The following LPP variants were observed in gnomAD, a reference collection of about 807,000 sequenced individuals.
LPP encodes lipoma-preferred partner.
A neutral mutation model predicts 60.4 loss-of-function variants in LPP; 38 were observed. The observed-to-expected ratio is 0.63, with a 90% CI of 0.49 to 0.83. The LOEUF (loss-of-function observed/expected upper bound fraction) is 0.83. Among genes scored for constraint, LPP ranks in the 40% least tolerant of loss-of-function variants. LPP has a pLI of 0.00. For synonymous variants in LPP, 328 were observed against 290.8 expected (o/e 1.13, Z -1.30); for missense variants, 902 against 783.6 (o/e 1.15, Z -1.80).
At chr3:188,832,262 C>A (rs1419979172) in intron 9 of LPP, among the ~76,000 whole-genome samples, 1 of 152,108 alleles carries the variant, frequency 6.6e-6, no homozygotes, top group African/African-American at 2.4e-5. Context: ...AATAAGTGAC[C>A]ATATGAGAGA....
At chr3:188,428,596 A>ATATTT (rs1553895829) in intron 4 of LPP, among the ~76,000 whole-genome samples, 3 of 142,680 alleles carry the variant, frequency 2.1e-5, no homozygotes, top group African/African-American at 7.7e-5. Context: ...ATATATATAT[A>ATATTT]TTTTTTTTTT....
intron 9 of LPP, among the ~76,000 whole-genome samples, chr3:188,825,874 G>T (rs1304528815): frequency 1.3e-5 from 2 of 152,058 alleles, no homozygotes; most frequent in Non-Finnish European, 2.9e-5. Context: ...CTGTTCCCAT[G>T]CTGTTGATGC....
chr3:188,169,835 A>T (rs1476923810), intron 1 of LPP, among the ~76,000 whole-genome samples: 1 of 152,202 alleles, frequency 6.6e-6, no homozygotes, highest in Non-Finnish European at 1.5e-5. Flanking sequence ...CACCCTAGTA[A>T]CTATGATACA....
intron 4 of LPP, among the ~76,000 whole-genome samples, chr3:188,412,836 A>G (rs750414244): frequency 6.6e-6 from 1 of 152,130 alleles, no homozygotes; most frequent in Non-Finnish European, 1.5e-5. Flanking sequence ...TTTTTATGAC[A>G]TCTTTCTGTG....
At chr3:188,336,349 A>G (rs887514481) in intron 2 of LPP, among the ~76,000 whole-genome samples, 29 of 152,076 alleles carry the variant, frequency 1.9e-4, no homozygotes, top group African/African-American at 6.8e-4. Context: ...CAGAGCCAGG[A>G]TTTGTGACTC....
chr3:188,202,860 A>AG (rs1333173975), intron 1 of LPP, among the ~76,000 whole-genome samples: 1 of 151,998 alleles, frequency 6.6e-6, no homozygotes, highest in African/African-American at 2.4e-5. Context: ...TGGATATATG[A>AG]GGTGACTCTA....
At chr3:188,620,550 T>C (rs1483550751) in intron 7 of LPP, among the ~76,000 whole-genome samples, 1 of 152,228 alleles carries the variant, frequency 6.6e-6, no homozygotes, top group African/African-American at 2.4e-5. Context: ...ATTATATTTA[T>C]ATTTTCATCA....
At chr3:188,558,895 G>C (rs964973067) in intron 6 of LPP, among the ~76,000 whole-genome samples, 3 of 152,074 alleles carry the variant, frequency 2.0e-5, no homozygotes, top group Non-Finnish European at 4.4e-5. Context: ...TGTCCAAGCA[G>C]CACTGCTTTT....
chr3:188,402,337 T>C (rs1467647901), intron 3 of LPP, among the ~76,000 whole-genome samples: 1 of 152,220 alleles, frequency 6.6e-6, no homozygotes, highest in Non-Finnish European at 1.5e-5. Context: ...TTCATTAATA[T>C]ATCAAAACAC....
At chr3:188,463,491 T>G (rs774897300) in intron 4 of LPP, among the ~76,000 whole-genome samples, 1 of 152,184 alleles carries the variant, frequency 6.6e-6, no homozygotes, top group Non-Finnish European at 1.5e-5. Context: ...TTGGCAATTA[T>G]ATCTGCGTGC....
At chr3:188,222,255 A>G (rs565768296) in intron 1 of LPP, among the ~76,000 whole-genome samples, 3 of 152,322 alleles carry the variant, frequency 2.0e-5, no homozygotes, top group Admixed American at 2.0e-4. Context: ...TACAGTCAGG[A>G]GACATACAGT....
chr3:188,557,189 A>G (rs1304908549), intron 6 of LPP, among the ~76,000 whole-genome samples: 2 of 151,992 alleles, frequency 1.3e-5, no homozygotes, highest in African/African-American at 2.4e-5. Context: ...TGCCTTTAAC[A>G]TCTTCAGACG....
chr3:188,445,271 A>C (rs1336336089), intron 4 of LPP, among the ~76,000 whole-genome samples: 3 of 152,244 alleles, frequency 2.0e-5, no homozygotes, highest in Non-Finnish European at 1.5e-5. Context: ...TGGATAAAGA[A>C]AATGTGGCAC....
At chr3:188,626,103 TGTATGCATAAAA>T (rs1421399305) in intron 7 of LPP, among the ~76,000 whole-genome samples, 1 of 152,150 alleles carries the variant, frequency 6.6e-6, no homozygotes, top group Non-Finnish European at 1.5e-5. Flanking sequence ...AAATAACTTC[TGTATGCATAAAA>T]GTATTATATT....
chr3:188,251,153 G>A (rs1385456927), intron 2 of LPP, among the ~76,000 whole-genome samples: 8 of 143,518 alleles, frequency 5.6e-5, no homozygotes, highest in Non-Finnish European at 7.6e-5. Flanking sequence ...TGGTCTTCAA[G>A]ATTTCTGTTT....
intron 7 of LPP, among the ~76,000 whole-genome samples, chr3:188,641,052 A>G (rs1471432088): frequency 6.6e-6 from 1 of 152,230 alleles, no homozygotes; most frequent in Non-Finnish European, 1.5e-5. Flanking sequence ...ACAAGGGAGG[A>G]GGGTACATTT....
chr3:188,546,328 A>AT (rs1299051956), intron 6 of LPP, among the ~76,000 whole-genome samples: 2 of 152,158 alleles, frequency 1.3e-5, no homozygotes, highest in African/African-American at 4.8e-5. Flanking sequence ...GCTGTTACTA[A>AT]TCACCATTTC....
At chr3:188,711,096 C>T (rs541351944) in intron 8 of LPP, 1 of 152,270 alleles carries the variant, frequency 6.6e-6, no homozygotes, top group Admixed American at 6.5e-5. Flanking sequence ...TTATTTAAGA[C>T]ATAAGATATG....
chr3:188,825,269 C>CTCTCTGTGTGTGTGTGTG lies in LPP; in HGVS notation c.1411-40930_1411-40929insCTCTGTGTGTGTGTGTGT, dbSNP rs1463318065. 2.2e-4 allele frequency among the ~76,000 whole-genome samples: 22 copies of CTCTCTGTGTGTGTGTGTG among 101,754 alleles called. No homozygotes were observed. The East Asian group carries it at 2.4e-3, about 11-fold the overall frequency. 66.8% of individuals were successfully genotyped at this position (101,754 alleles called of 152,430 possible). A position where few individuals can be genotyped will look rare whatever the true frequency, so the allele number is the denominator to read the frequency against. On this transcript the variant is annotated intron_variant, in intron 9 of 11. Transcript: ENST00000617246. ...TCTTTCTCTCTCTCTCTCTCTCTCT[C>CTCTCTGTGTGTGTGTGTG]TGTGTGTGTGTGTGTGTGTGTGTGT...
Sources: allele counts gnomAD v4.1 joint callset (sites outside exome capture counted in the v4.1 genomes callset), GRCh38; gene constraint gnomAD v4.1.1; transcripts MANE v1.5; gene names NCBI Gene and HGNC (gene_info 2026-07-23, HGNC 2026-07-21).